The following ZBTB21 variants were observed in gnomAD, a reference collection of about 807,000 sequenced individuals.
ZBTB21 encodes the protein zinc finger and BTB domain-containing protein 21.
In ZBTB21, 10 loss-of-function variants were observed where a neutral mutation model predicts 39.8. That is an observed-to-expected ratio of 0.25 (90% CI 0.16 to 0.43). ZBTB21 has a LOEUF of 0.43. Among genes scored for constraint, ZBTB21 ranks in the 20% least tolerant of loss-of-function variants. The pLI is 1.00. For missense variants in ZBTB21, 1,221 were observed against 1,296.3 expected (o/e 0.94, Z 0.89); for synonymous variants, 551 against 498.8 (o/e 1.10, Z -1.40).
rs2065600765 is a variant in ZBTB21, at chr21:41,988,004, A to T, written c.*2891T>A. On this transcript the variant is annotated 3_prime_UTR_variant, in exon 3 of 3. Transcript: ENST00000310826. Reference sequence around the variant, plus strand: ...AACCAGAAAACCAAGAACATCACACATCTCCCCACAAATGCAAAGAACATC... The same window carrying T: ...AACCAGAAAACCAAGAACATCACACTTCTCCCCACAAATGCAAAGAACATC... 6.6e-6 allele frequency: 1 copy of T among 152,158 alleles called. No individual in the cohort carries two copies. Among genetic ancestry groups the T allele is most frequent in the Non-Finnish European group, 1.5e-5 (1 of 68,006 alleles). The allele number at this position is 152,158 out of a possible 1,614,324, so 9.4% of individuals were successfully genotyped here. A position where few individuals can be genotyped will look rare whatever the true frequency, so the allele number is the denominator to read the frequency against.
At chr21:42,010,155 A>T (rs2065944446) in intron 1 of ZBTB21, 97 bp downstream of exon 1, 1 of 389,488 alleles carries the variant, frequency 2.6e-6, no homozygotes, top group African/African-American at 2.1e-5. Context: ...AAATCACCTC[A>T]GAGTTACGTC....
chr21:41,990,821 G>C lies in ZBTB21; in HGVS notation c.*74C>G. On this transcript the variant is annotated 3_prime_UTR_variant, in exon 3 of 3. Transcript: ENST00000310826. The stretch of plus-strand genomic sequence containing the variant: ...ATTATTCTTGTTTAAAAAATATTTT[G>C]TTTCTTATGACACATTTCACAATTC... 7.5e-7 allele frequency: 1 copy of C among 1,332,342 alleles called. No individual in the cohort carries two copies. Among genetic ancestry groups the C allele is most frequent in the Non-Finnish European group, 9.9e-7 (1 of 1,014,820 alleles). 82.5% of individuals were successfully genotyped at this position (1,332,342 alleles called of 1,614,324 possible).
intron 1 of ZBTB21, among the ~76,000 whole-genome samples, chr21:42,008,470 G>A (rs966084175): frequency 6.7e-6 from 1 of 148,170 alleles, no homozygotes; most frequent in Non-Finnish European, 1.5e-5. Flanking sequence ...AAACCAGGGA[G>A]GCGGAGGTTG....
intron 2 of ZBTB21, among the ~76,000 whole-genome samples, chr21:41,999,788 G>A (rs1308744851): frequency 2.6e-5 from 4 of 152,210 alleles, no homozygotes; most frequent in Admixed American, 2.6e-4. Context: ...GGAGCAGTGT[G>A]TGCTGGGAGC....
intron 2 of ZBTB21, among the ~76,000 whole-genome samples, chr21:42,000,083 G>A (rs1033874090): frequency 1.3e-5 from 2 of 152,144 alleles, no homozygotes; most frequent in Admixed American, 6.5e-5. Flanking sequence ...TGGTAGCAAC[G>A]GAGGTAAAGG....
rs1037497467 is a variant in ZBTB21 at position 41,990,412 on chromosome 21, T to C, written c.*483A>G. On this transcript the variant is annotated 3_prime_UTR_variant, in exon 3 of 3. Coordinates refer to ENST00000310826, the MANE Select transcript of ZBTB21 (RefSeq NM_001098402.2). The stretch of plus-strand genomic sequence containing the variant: ...AACTTATTAAAGTTGAGATTTATCT[T>C]TTATTGCTAAAGTAGTCTAAGATAT... The C allele has an allele frequency of 6.5e-6, 1 of 152,710 alleles. No individual in the cohort carries two copies. Among genetic ancestry groups the C allele is most frequent in the African/African-American group, 2.4e-5 (1 of 41,482 alleles). The allele number at this position is 152,710 out of a possible 1,614,324, so 9.5% of individuals were successfully genotyped here.
chr21:41,992,444 C>G lies in ZBTB21; in HGVS notation c.1652G>C (p.Cys551Ser). The G allele has an allele frequency of 6.2e-7, 1 of 1,614,040 alleles. No homozygotes were observed. The highest frequency in any genetic ancestry group is 8.5e-7 in the Non-Finnish European group (1 of 1,179,996). ...RPNKKFKCKH[C>S]LKIFRSTAGL... ...TGCTGTTGATCTAAAGATCTTAAGG[C>G]AATGTTTGCATTTAAATTTTTTGTT... The change falls in exon 3 of 3, where the codon TGC becomes TCC. Residue 551 changes from cysteine (C) to serine (S), a missense_variant. Around this residue, in one of 4 missense-constraint regions of ZBTB21, gnomAD observed 90 missense variants for 133.1 expected, o/e 0.68. Coordinates refer to ENST00000310826, the MANE Select transcript of ZBTB21 (RefSeq NM_001098402.2). The surrounding 1 kb of genome is among the most constrained non-coding windows in gnomAD (Gnocchi z 4.1).
At chr21:42,010,178 G>A (rs1396102995) in intron 1 of ZBTB21, 74 bp downstream of exon 1, 2 of 393,134 alleles carry the variant, frequency 5.1e-6, no homozygotes, top group East Asian at 3.6e-5. Context: ...GAAAGGCCGC[G>A]TTTTGCGGGG....
In ZBTB21 at chr21:41,992,003, AG is replaced by A; in HGVS notation, c.2092del (p.Gly699GlufsTer2). ...HIKMHPGEKP[L>X]GVNKVAKPKE... ...TGGTTTAGCAACTTTATTTACTCCA[AG>A]GGGTTTTTCTCCTGGATGCATTTTT... On this transcript the variant is annotated frameshift_variant, in exon 3 of 3. Transcript: ENST00000310826. LOFTEE classifies it high-confidence loss of function. This position sits in a 1 kb window ranked among gnomAD's most constrained non-coding sequence, Gnocchi z 4.1. 1 of 1,614,202 alleles carries A rather than the reference AG, an allele frequency of 6.2e-7. No individual in the cohort carries two copies. The highest frequency in any genetic ancestry group is 8.5e-7 in the Non-Finnish European group (1 of 1,180,034).
intron 1 of ZBTB21, among the ~76,000 whole-genome samples, chr21:42,006,809 G>GT (rs892524741): frequency 1.3e-5 from 2 of 152,216 alleles, no homozygotes; most frequent in Non-Finnish European, 2.9e-5. Context: ...CTAAACTGAT[G>GT]TAACTGGTGT....
intron 2 of ZBTB21, among the ~76,000 whole-genome samples, chr21:41,994,824 C>T (rs570479102): frequency 7.9e-5 from 11 of 139,492 alleles, no homozygotes; most frequent in Admixed American, 1.4e-4. Context: ...ATTCCCACGT[C>T]GTGGGAGGGA....
intron 1 of ZBTB21, among the ~76,000 whole-genome samples, chr21:42,005,099 A>G (rs2065863566): frequency 6.6e-6 from 1 of 152,228 alleles, no homozygotes; most frequent in African/African-American, 2.4e-5. Context: ...TCTTGGCCAC[A>G]TTCAGGAGAA....
chr21:41,992,626 T>C lies in ZBTB21; in HGVS notation c.1470A>G (p.Arg490=). The stretch of plus-strand genomic sequence containing the variant: ...CCTTTAACTTCTTAAACGGCAATCT[T>C]CGGTCCGCTTGGAACCTCCTTTTTG... The part of the protein sequence containing the change: ...LPAKRRFQAD[R]RLPFKKLKVN... Residue 490 remains arginine (R), a synonymous_variant, in exon 3 of 3, where the codon CGA becomes CGG. Transcript: ENST00000310826. This position sits in a 1 kb window ranked among gnomAD's most constrained non-coding sequence, Gnocchi z 4.1. 1.2e-6 allele frequency: 2 copies of C among 1,614,180 alleles called. 1 individual carries two copies.
intron 1 of ZBTB21, among the ~76,000 whole-genome samples, chr21:42,008,476 G>A (rs975125145): frequency 1.4e-5 from 2 of 146,606 alleles, no homozygotes; most frequent in Non-Finnish European, 3.0e-5. Flanking sequence ...GGGAGGCGGA[G>A]GTTGCAGTGA....
Position 41,987,417 on chromosome 21 carries a change from A to T in ZBTB21, c.*3478T>A, listed in dbSNP as rs886740237. ...AAAATTACAAAAAATTAAACTTCTT[A>T]AAGTGCTAAAACCACAAAAAGCCAT... On this transcript the variant is annotated 3_prime_UTR_variant, in exon 3 of 3. Transcript: ENST00000310826. 5 of 152,252 alleles carry T rather than the reference A, an allele frequency of 3.3e-5. No homozygotes were observed. Among genetic ancestry groups the T allele is most frequent in the Admixed American group, 1.3e-4 (2 of 15,290 alleles). The allele number at this position is 152,252 out of a possible 1,614,324, so 9.4% of individuals were successfully genotyped here. A position where few individuals can be genotyped will look rare whatever the true frequency, so the allele number is the denominator to read the frequency against.
At chr21:41,995,438 A>C (rs2065733117) in intron 2 of ZBTB21, among the ~76,000 whole-genome samples, 1 of 152,200 alleles carries the variant, frequency 6.6e-6, no homozygotes, top group Non-Finnish European at 1.5e-5. Flanking sequence ...AGATCTATGG[A>C]ACTTTCAACT....
chr21:41,989,600 G>A lies in ZBTB21; in HGVS notation c.*1295C>T, dbSNP rs1186433002. On this transcript the variant is annotated 3_prime_UTR_variant, in exon 3 of 3. Transcript: ENST00000310826. ...GGCTTTCAATTACAAATTATACATAGTATTCTTTGAAAAGCCCAAAACCCA... is the reference window on the plus strand; with the variant it reads ...GGCTTTCAATTACAAATTATACATAATATTCTTTGAAAAGCCCAAAACCCA... 6.6e-6 allele frequency: 1 copy of A among 152,018 alleles called. No homozygotes were observed. Among genetic ancestry groups the A allele is most frequent in the Non-Finnish European group, 1.5e-5 (1 of 67,978 alleles). The allele number at this position is 152,018 out of a possible 1,614,324, so 9.4% of individuals were successfully genotyped here.
chr21:41,992,103 G>A lies in ZBTB21; in HGVS notation c.1993C>T (p.Arg665Ter), dbSNP rs1268273304. Reference protein sequence around the residue: ...QQVIKRNLRSRAKGAYICTYC... With the variant: ...QQVIKRNLRS ...GTACAAATGTAAGCTCCTTTGGCTC[G>A]AGATCTCAAGTTCCTCTTGATGACT... The change falls in exon 3 of 3, where the codon CGA becomes TGA. Residue 665 changes from arginine (R) to a stop codon, truncating the protein, a stop_gained. Transcript: ENST00000310826. LOFTEE classifies it high-confidence loss of function. The surrounding 1 kb of genome is among the most constrained non-coding windows in gnomAD (Gnocchi z 4.1). The A allele has an allele frequency of 1.2e-6, 2 of 1,614,052 alleles. No homozygotes were observed. The highest frequency in any genetic ancestry group is 1.7e-6 in the Non-Finnish European group (2 of 1,179,996).
chr21:42,006,694 TTA>T (rs1470395102), intron 1 of ZBTB21, among the ~76,000 whole-genome samples: 6 of 152,100 alleles, frequency 3.9e-5, no homozygotes, highest in African/African-American at 1.2e-4. Flanking sequence ...CCTCCCAAAT[TTA>T]TATGATAAAG....
Sources: allele counts gnomAD v4.1 joint callset (sites outside exome capture counted in the v4.1 genomes callset), GRCh38; gene constraint gnomAD v4.1.1; regional missense constraint gnomAD v4.1.1; non-coding constraint Gnocchi (gnomAD v3.1); transcripts MANE v1.5; gene names NCBI Gene and HGNC (gene_info 2026-07-23, HGNC 2026-07-21).